Variants in DLGAP2 observed in about 807,000 individuals in gnomAD.
The protein encoded by DLGAP2 is disks large-associated protein 2.
In DLGAP2, 26 loss-of-function variants were observed where a neutral mutation model predicts 100.3. The observed-to-expected ratio is 0.26, with a 90% CI of 0.19 to 0.36. DLGAP2 has a LOEUF of 0.36. DLGAP2 is among the 10% of genes least tolerant of loss of function. The pLI is 1.00. For synonymous variants in DLGAP2, 886 were observed against 630.1 expected (o/e 1.41, Z -6.08); for missense variants, 1,858 against 1,453.2 (o/e 1.28, Z -4.53).
At chr8:778,884 C>G (rs569710904) in intron 1 of DLGAP2, among the ~76,000 whole-genome samples, 2 of 152,348 alleles carry the variant, frequency 1.3e-5, no homozygotes, top group South Asian at 2.1e-4. Flanking sequence ...TCGAGCTTCC[C>G]GGCTGCTTTG....
chr8:1,185,796 G>T (rs1797490999), intron 2 of DLGAP2, among the ~76,000 whole-genome samples: 1 of 151,798 alleles, frequency 6.6e-6, no homozygotes, highest in African/African-American at 2.4e-5. Flanking sequence ...AACCAAGGCT[G>T]GTGGAAGAAC....
chr8:1,222,880 A>C (rs1471604487), intron 2 of DLGAP2, among the ~76,000 whole-genome samples: 1 of 152,146 alleles, frequency 6.6e-6, no homozygotes, highest in Non-Finnish European at 1.5e-5. Flanking sequence ...GACTGGCTGC[A>C]TCCCAGGAGC....
intron 3 of DLGAP2, among the ~76,000 whole-genome samples, chr8:1,344,575 T>G (rs1192176258): frequency 6.6e-6 from 1 of 152,100 alleles, no homozygotes; most frequent in African/African-American, 2.4e-5. Flanking sequence ...ATGGAGTAAT[T>G]CCTATGATAG....
chr8:1,358,492 C>G (rs773117194), intron 3 of DLGAP2, among the ~76,000 whole-genome samples: 1 of 152,152 alleles, frequency 6.6e-6, no homozygotes, highest in African/African-American at 2.4e-5. Flanking sequence ...GCAAGGGCTG[C>G]GTTCACCCAC....
At chr8:739,589 G>T (rs1403171753) in intron 1 of DLGAP2, 1 of 152,142 alleles carries the variant, frequency 6.6e-6, no homozygotes, top group Non-Finnish European at 1.5e-5. Flanking sequence ...CAAAAATGGC[G>T]AAATGATGAA....
intron 2 of DLGAP2, among the ~76,000 whole-genome samples, chr8:1,177,455 A>C (rs1391923273): frequency 6.6e-6 from 1 of 151,902 alleles, no homozygotes; most frequent in East Asian, 1.9e-4. Flanking sequence ...GGCACACCGG[A>C]GCAGATGCAC....
At chr8:1,347,373 A>C (rs1228560178) in intron 3 of DLGAP2, among the ~76,000 whole-genome samples, 4 of 149,640 alleles carry the variant, frequency 2.7e-5, no homozygotes, top group Middle Eastern at 7.2e-3. Context: ...ACACATCTGC[A>C]TTGCTCTCAT....
intron 6 of DLGAP2, among the ~76,000 whole-genome samples, chr8:1,594,872 C>T (rs114556295): frequency 0.011 from 1,629 of 152,256 alleles, 36 homozygotes; most frequent in African/African-American, 0.037. Context: ...CAGCCATGCC[C>T]CCTGGGCACA....
At chr8:1,333,528 C>T (rs1801205183) in intron 3 of DLGAP2, among the ~76,000 whole-genome samples, 1 of 152,188 alleles carries the variant, frequency 6.6e-6, no homozygotes, top group African/African-American at 2.4e-5. Context: ...CGTTTCTCCT[C>T]CCGTGAGTCC....
chr8:1,072,983 A>G (rs1311929639), intron 2 of DLGAP2, among the ~76,000 whole-genome samples: 1 of 152,216 alleles, frequency 6.6e-6, no homozygotes, highest in Non-Finnish European at 1.5e-5. Flanking sequence ...TTTTAGCTGT[A>G]TCCGACTAAT....
chr8:1,236,975 G>C (rs1445295070), intron 2 of DLGAP2, among the ~76,000 whole-genome samples: 5 of 141,478 alleles, frequency 3.5e-5, no homozygotes, highest in African/African-American at 1.3e-4. Flanking sequence ...ACATGGTGCC[G>C]TGTCTAGTTC....
chr8:1,594,073 C>A (rs1288368240), intron 6 of DLGAP2, among the ~76,000 whole-genome samples: 1 of 152,208 alleles, frequency 6.6e-6, no homozygotes, highest in Admixed American at 6.5e-5. Flanking sequence ...GCGAAAACCA[C>A]AGCTACCTTC....
chr8:804,299 T>G (rs942788924), intron 1 of DLGAP2, among the ~76,000 whole-genome samples: 2 of 152,198 alleles, frequency 1.3e-5, no homozygotes, highest in Admixed American at 6.5e-5. Context: ...TCTTCTTAGA[T>G]GTTATGGATC....
At chr8:802,159 C>T (rs1796178480) in intron 1 of DLGAP2, among the ~76,000 whole-genome samples, 1 of 148,960 alleles carries the variant, frequency 6.7e-6, no homozygotes, top group Non-Finnish European at 1.5e-5. Flanking sequence ...CCGCACTCCT[C>T]CTGGGTCCTC....
chr8:1,135,860 G>A (rs1796399580), intron 2 of DLGAP2, among the ~76,000 whole-genome samples: 1 of 152,180 alleles, frequency 6.6e-6, no homozygotes, highest in Admixed American at 6.5e-5. Context: ...CGGGGGATTG[G>A]CAGGAATCAT....
chr8:1,047,715 CT>C (rs888076885), intron 2 of DLGAP2, among the ~76,000 whole-genome samples: 1 of 150,564 alleles, frequency 6.6e-6, no homozygotes, highest in African/African-American at 2.4e-5. Context: ...TCTCTGTGGC[CT>C]TTTTTTTTAA....
At chr8:1,541,651 G>C (rs1438344309) in intron 4 of DLGAP2, among the ~76,000 whole-genome samples, 2 of 152,180 alleles carry the variant, frequency 1.3e-5, no homozygotes. Context: ...AACCAGCAGA[G>C]CCCACTGGGT....
At chr8:1,565,602 A>T (rs547029221) in intron 5 of DLGAP2, 81 bp from the exon 6 acceptor site, 2 of 1,090,308 alleles carry the variant, frequency 1.8e-6, no homozygotes, top group Non-Finnish European at 2.7e-6. Context: ...GGAATTGTAG[A>T]GGATTTGTTT....
chr8:896,464 A>C (rs1038621905), intron 1 of DLGAP2, among the ~76,000 whole-genome samples: 1 of 152,020 alleles, frequency 6.6e-6, no homozygotes, highest in African/African-American at 2.4e-5. Context: ...AAGTCACACT[A>C]ATTTTGGGGT....
Sources: gnomAD v4.1 joint callset for allele counts (sites outside exome capture counted in the v4.1 genomes callset) on GRCh38, gnomAD v4.1.1 for gene constraint, MANE v1.5 for transcripts, NCBI Gene and HGNC (gene_info 2026-07-23, HGNC 2026-07-21) for gene names.